LUZP2: variants seen among roughly 807,000 people sequenced by gnomAD.
LUZP2 encodes leucine zipper protein 2.
In LUZP2, 52 loss-of-function variants were observed where a neutral mutation model predicts 51.6. The observed-to-expected ratio is 1.01, with a 90% CI of 0.81 to 1.27. LUZP2 has a LOEUF of 1.27. Among genes scored for constraint, LUZP2 ranks in the 50% most tolerant of loss-of-function variants. The pLI, the probability that LUZP2 is intolerant of heterozygous loss-of-function variation, is 0.00. For missense variants in LUZP2, 436 were observed against 395.4 expected, an observed-to-expected ratio of 1.10 and a Z score of -0.87; for synonymous variants, 154 against 137.3, an observed-to-expected ratio of 1.12 and a Z score of -0.85.
At chr11:24,565,758 G>A (rs1852194226) in intron 1 of LUZP2, among the ~76,000 whole-genome samples, 1 of 152,066 alleles carries the variant, frequency 6.6e-6, no homozygotes, top group Admixed American at 6.6e-5. Flanking sequence ...ACTAAAAAGT[G>A]CCTTACCACA....
At chr11:24,914,049 C>T (rs1233471304) in intron 6 of LUZP2, among the ~76,000 whole-genome samples, 2 of 151,924 alleles carry the variant, frequency 1.3e-5, no homozygotes, top group Middle Eastern at 3.2e-3. Flanking sequence ...ATCACATTTG[C>T]TTTTACCTGG....
At chr11:24,750,443 G>A (rs529002168) in intron 4 of LUZP2, among the ~76,000 whole-genome samples, 1 of 152,066 alleles carries the variant, frequency 6.6e-6, no homozygotes, top group East Asian at 1.9e-4. Context: ...GTAGAAGCAA[G>A]GTTTTTTGAC....
chr11:24,576,153 C>T (rs1321124131), intron 1 of LUZP2, among the ~76,000 whole-genome samples: 1 of 152,042 alleles, frequency 6.6e-6, no homozygotes, highest in African/African-American at 2.4e-5. Flanking sequence ...TGGCTCATGC[C>T]TGTAATCCCA....
chr11:25,031,329 T>C (rs947003360), intron 9 of LUZP2, among the ~76,000 whole-genome samples: 1 of 151,920 alleles, frequency 6.6e-6, no homozygotes, highest in African/African-American at 2.4e-5. Context: ...TTTGATACCG[T>C]TTGATAAATA....
intron 10 of LUZP2, 104 bp downstream of exon 10, chr11:25,050,234 T>G: frequency 2.3e-6 from 1 of 428,630 alleles, no homozygotes; most frequent in Non-Finnish European, 4.1e-6. Context: ...TTATATGTAA[T>G]ATCTACTATC....
intron 11 of LUZP2, among the ~76,000 whole-genome samples, chr11:25,077,657 G>A (rs374198128): frequency 4.6e-5 from 7 of 151,274 alleles, no homozygotes; most frequent in South Asian, 2.1e-4. Flanking sequence ...CCACCACCAC[G>A]CCCAAATTTT....
intron 5 of LUZP2, among the ~76,000 whole-genome samples, chr11:24,905,388 C>T (rs1853414921): frequency 6.6e-6 from 1 of 152,018 alleles, no homozygotes; most frequent in African/African-American, 2.4e-5. Flanking sequence ...ATTAGCCAGG[C>T]ATGGTGGTGC....
At chr11:24,862,235 A>T (rs1851763300) in intron 5 of LUZP2, among the ~76,000 whole-genome samples, 1 of 152,178 alleles carries the variant, frequency 6.6e-6, no homozygotes, top group African/African-American at 2.4e-5. Context: ...GAGATTGGGG[A>T]CCAAAATTCA....
chr11:25,045,773 T>C (rs1033514249), intron 9 of LUZP2, among the ~76,000 whole-genome samples: 2 of 146,682 alleles, frequency 1.4e-5, no homozygotes, highest in African/African-American at 2.5e-5. Context: ...GTAATTTTTA[T>C]GGTAAAACAC....
chr11:24,897,991 A>G (rs1211455488), intron 5 of LUZP2, among the ~76,000 whole-genome samples: 2 of 152,310 alleles, frequency 1.3e-5, no homozygotes, highest in Admixed American at 6.5e-5. Flanking sequence ...TGTATAGTAC[A>G]CTATGATATG....
At chr11:24,728,138 C>T (rs904238097) in intron 1 of LUZP2, among the ~76,000 whole-genome samples, 2 of 151,894 alleles carry the variant, frequency 1.3e-5, no homozygotes, top group Non-Finnish European at 1.5e-5. Context: ...GCCGTTTTCC[C>T]ACAATTTTAC....
chr11:24,497,424 A>G (rs915986041), intron 1 of LUZP2, 119 bp downstream of exon 1: 4 of 595,852 alleles, frequency 6.7e-6, no homozygotes, highest in Non-Finnish European at 1.1e-5. Context: ...CCGCCTAAGC[A>G]AGAGGGACGC....
In LUZP2 at chr11:24,998,558, C is replaced by T. The variant is rs187361301; in HGVS notation, c.765+15265C>T. Among the ~76,000 whole-genome samples, 1,246 of 152,252 alleles carry T rather than the reference C, an allele frequency of 8.2e-3. 6 individuals carry two copies. Among genetic ancestry groups the T allele is most frequent in the Non-Finnish European group, 0.014 (969 of 68,022 alleles). The stretch of plus-strand genomic sequence containing the variant: ...GTTTTTCTCGTCTTGTGGAGTTCCA[C>T]GTATTTCTACAGAACATGATATTCA... On this transcript the variant is annotated intron_variant, in intron 9 of 11. Transcript: ENST00000336930.
chr11:24,781,879 G>C (rs1849104452), intron 5 of LUZP2, among the ~76,000 whole-genome samples: 1 of 151,908 alleles, frequency 6.6e-6, no homozygotes, highest in African/African-American at 2.4e-5. Context: ...AAGCACCTGG[G>C]GATCTTACAA....
At chr11:24,519,761 G>T (rs1275075510) in intron 1 of LUZP2, among the ~76,000 whole-genome samples, 2 of 152,136 alleles carry the variant, frequency 1.3e-5, no homozygotes, top group Non-Finnish European at 1.5e-5. Flanking sequence ...TGTCAATATA[G>T]TTGCATTCTA....
intron 9 of LUZP2, among the ~76,000 whole-genome samples, chr11:25,024,181 G>T (rs980442783): frequency 6.6e-6 from 1 of 152,026 alleles, no homozygotes; most frequent in Non-Finnish European, 1.5e-5. Flanking sequence ...TCAATTCCTG[G>T]ATATCCTTGT....
intron 7 of LUZP2, 132 bp from the exon 8 acceptor site, chr11:24,976,459 A>T: frequency 2.0e-6 from 1 of 500,844 alleles, no homozygotes; most frequent in Non-Finnish European, 3.4e-6. Context: ...TTCTAAATGA[A>T]TCTTACAGGA....
At chr11:24,991,220 T>C (rs933126790) in intron 9 of LUZP2, among the ~76,000 whole-genome samples, 1 of 151,880 alleles carries the variant, frequency 6.6e-6, no homozygotes, top group Non-Finnish European at 1.5e-5. Flanking sequence ...ACGTACGATG[T>C]TTGGTTTTCC....
chr11:24,883,379 AG>A (rs1239265068), intron 5 of LUZP2, among the ~76,000 whole-genome samples: 4 of 141,396 alleles, frequency 2.8e-5, no homozygotes, highest in African/African-American at 1.3e-4. Context: ...GACTATCAGC[AG>A]GGATAACTTA....
Sources: gnomAD v4.1 joint callset for allele counts (sites outside exome capture counted in the v4.1 genomes callset) on GRCh38, gnomAD v4.1.1 for gene constraint, MANE v1.5 for transcripts, NCBI Gene and HGNC (gene_info 2026-07-23, HGNC 2026-07-21) for gene names.